The following AK9 variants were observed in gnomAD, a reference collection of about 807,000 sequenced individuals.
AK9 encodes adenylate kinase domain containing 1.
Under a neutral mutation model 239.6 loss-of-function variants are expected in AK9, and 191 were observed. The observed-to-expected ratio is 0.80, with a 90% CI of 0.71 to 0.90. The LOEUF (loss-of-function observed/expected upper bound fraction) is 0.90. Among genes scored for constraint, AK9 ranks in the 40% least tolerant of loss-of-function variants. AK9 has a pLI of 0.00. For missense variants in AK9, 1,995 were observed against 2,214.7 expected, an observed-to-expected ratio of 0.90 and a Z score of 1.99; for synonymous variants, 689 against 721.0, an observed-to-expected ratio of 0.96 and a Z score of 0.71.
chr6:109,525,065 G>A (rs1006597666), intron 29 of AK9, among the ~76,000 whole-genome samples: 1 of 152,048 alleles, frequency 6.6e-6, no homozygotes, highest in Non-Finnish European at 1.5e-5. Context: ...AGGGGTCCAG[G>A]TTCATTCTTC....
In AK9 at chr6:109,674,938, T is replaced by C. The variant is rs1042087888; in HGVS notation, c.118-677A>G. ...AATCAACCAGCTCAGTGGCTGTCAG[T>C]AGCTTTTATCTAGAGTTTCTTACTA... On this transcript the variant is annotated intron_variant, in intron 2 of 40. Coordinates refer to ENST00000424296, the MANE Select transcript of AK9 (RefSeq NM_001145128.3). Among the ~76,000 whole-genome samples, 58 of 152,212 alleles carry C rather than the reference T, an allele frequency of 3.8e-4. 1 individual carries two copies. Among genetic ancestry groups the C allele is most frequent in the African/African-American group, 1.3e-3 (55 of 41,466 alleles).
chr6:109,569,912 C>G (rs187694447), intron 21 of AK9, among the ~76,000 whole-genome samples: 3 of 152,174 alleles, frequency 2.0e-5, no homozygotes, highest in Non-Finnish European at 4.4e-5. Context: ...CCATTTGACC[C>G]AGCCATCCCA....
intron 17 of AK9, among the ~76,000 whole-genome samples, chr6:109,598,690 A>G (rs1333229694): frequency 2.0e-5 from 3 of 152,208 alleles, no homozygotes; most frequent in African/African-American, 4.8e-5. Flanking sequence ...AGTCCCACCA[A>G]CAGTGTAAAA....
At chr6:109,602,477 C>T (rs572529628) in intron 17 of AK9, among the ~76,000 whole-genome samples, 202 of 152,254 alleles carry the variant, frequency 1.3e-3, no homozygotes, top group Middle Eastern at 3.4e-3. Context: ...TTGTGGGTAA[C>T]CCGACCTTTC....
intron 38 of AK9, among the ~76,000 whole-genome samples, chr6:109,496,946 A>G (rs1466344147): frequency 2.0e-5 from 3 of 152,044 alleles, no homozygotes; most frequent in Non-Finnish European, 4.4e-5. Flanking sequence ...TGAGTCCATG[A>G]AACCGCAAAC....
At chr6:109,604,107 G>A (rs1487864896) in intron 17 of AK9, among the ~76,000 whole-genome samples, 1 of 151,974 alleles carries the variant, frequency 6.6e-6, no homozygotes, top group African/African-American at 2.4e-5. Flanking sequence ...AAGCCCCAGT[G>A]AGATGAACCC....
chr6:109,659,286 G>A lies in AK9; in HGVS notation c.572C>T (p.Ala191Val), dbSNP rs141795794. 6.2e-7 allele frequency: 1 copy of A among 1,601,764 alleles called. No homozygotes were observed. The highest frequency in any genetic ancestry group is 1.4e-5 in the African/African-American group (1 of 73,864). The change falls in exon 7 of 41, where the codon GCC (alanine) becomes GTC (valine). Residue 191 changes from alanine to valine, a missense_variant. Physicochemically the swap from Ala to Val is moderately conservative, Grantham distance 64. Transcript: ENST00000424296. The part of the protein sequence containing the change: ...IENHRKKKKE[A>V]QKDGKGEEEE... ...CTCTTCTCCTTTTCCGTCCTTTTGG[G>A]CTTCTTTCTTCTTTTTCCTATGATT...
At chr6:109,622,167 T>A (rs1446543173) in intron 12 of AK9, among the ~76,000 whole-genome samples, 2 of 146,162 alleles carry the variant, frequency 1.4e-5, no homozygotes, top group Admixed American at 6.9e-5. Context: ...TATACATTTT[T>A]ATATATTTTA....
rs1490425336 is a variant in AK9 at position 109,509,240 on chromosome 6, C to T, written c.4420G>A (p.Asp1474Asn). The T allele has an allele frequency of 4.5e-6, 7 of 1,552,116 alleles. No individual in the cohort carries two copies. Among genetic ancestry groups the T allele is most frequent in the Non-Finnish European group, 5.2e-6 (6 of 1,147,078 alleles). ...TCTAAGGCTTGAATAGCCAGTTCATCAGGTGCTGTCATTCCTTTATGAAGA... is the reference window on the plus strand; with the variant it reads ...TCTAAGGCTTGAATAGCCAGTTCATTAGGTGCTGTCATTCCTTTATGAAGA... ...WHLHKGMTAP[D>N]ELAIQALELS... Residue 1474 changes from aspartate to asparagine, a missense_variant, in exon 33 of 41, where the codon GAT (aspartate) becomes AAT (asparagine). By Grantham distance (23) the Asp-to-Asn change is conservative. Transcript: ENST00000424296.
intron 12 of AK9, among the ~76,000 whole-genome samples, chr6:109,622,705 TA>T (rs1330389506): frequency 6.7e-6 from 1 of 149,666 alleles, no homozygotes; most frequent in African/African-American, 2.4e-5. Flanking sequence ...AAAATGTAGA[TA>T]ATATATAACA....
intron 24 of AK9, 42 bp downstream of exon 24, chr6:109,563,554 AT>A (rs777689478): frequency 1.3e-6 from 2 of 1,541,856 alleles, no homozygotes. Context: ...CATATTTTCA[AT>A]GACTTCACAA....
At position 109,542,090 on chromosome 6, in the gene AK9, G is replaced by T. The variant is rs144036651; in HGVS notation, c.3307C>A (p.Leu1103Ile). The T allele has an allele frequency of 1.0e-4, 164 of 1,607,890 alleles. No homozygotes were observed. In the African/African-American group the frequency reaches 2.0e-3, roughly 20 times the overall value. The change falls in exon 27 of 41, where the codon CTT becomes ATT. Residue 1103 changes from leucine to isoleucine, a missense_variant. Around this residue, in one of 5 missense-constraint regions of AK9, gnomAD observed 1,290 missense variants for 1,392.7 expected, o/e 0.93. Coordinates refer to ENST00000424296, the MANE Select transcript of AK9 (RefSeq NM_001145128.3). ...MENEPLPPEI[L>I]EVILSEWWLK... ...CACCACTCAGAAAGAATTACTTCAAGAATTTCAGGAGGCAAGGGCTCATTT... is the reference window on the plus strand; with the variant it reads ...CACCACTCAGAAAGAATTACTTCAATAATTTCAGGAGGCAAGGGCTCATTT...
At position 109,621,000 on chromosome 6, in the gene AK9, T is replaced by TA. The variant is rs920780957; in HGVS notation, c.1255-1765dup. 2.8e-4 allele frequency among the ~76,000 whole-genome samples: 43 copies of TA among 151,804 alleles called. 1 individual carries two copies. The highest frequency in any genetic ancestry group is 2.8e-3 in the Admixed American group (43 of 15,182). On this transcript the variant is annotated intron_variant, in intron 12 of 40. Transcript: ENST00000424296. ...TCAATTCTGTTTTATGGATTTTTCTTAAAAAACTGTCAAAGATCTACAATG... is the reference window on the plus strand; with the variant it reads ...TCAATTCTGTTTTATGGATTTTTCTTAAAAAAACTGTCAAAGATCTACAATG...
chr6:109,667,634 T>C (rs1474753243), intron 5 of AK9, among the ~76,000 whole-genome samples: 1 of 151,308 alleles, frequency 6.6e-6, no homozygotes, highest in Non-Finnish European at 1.5e-5. Flanking sequence ...TTCCCACCTA[T>C]GAGTGAGAAC....
rs1793439402 is a variant in AK9, at chr6:109,610,438, T to C, written c.1769A>G (p.Lys590Arg). ...TTCAAAGTTTATATCCTGTGACATT[T>C]TTATAGTCTCTTCAATCATGGTCAC... ...EVVTMIEETI[K>R]MSQDINFEQP... Residue 590 changes from lysine (K) to arginine (R), a missense_variant, in exon 17 of 41, where the codon AAA becomes AGA. Physicochemically the swap from Lys to Arg is conservative, Grantham distance 26 (BLOSUM62 2). This residue lies in a region of AK9 where 1,290 missense variants were observed against 1,392.7 expected (regional missense o/e 0.93). Transcript: ENST00000424296. The C allele has an allele frequency of 3.2e-6, 5 of 1,551,418 alleles. No homozygotes were observed. The highest frequency in any genetic ancestry group is 4.4e-6 in the Non-Finnish European group (5 of 1,146,860).
intron 7 of AK9, among the ~76,000 whole-genome samples, chr6:109,657,731 G>A (rs1168573022): frequency 6.6e-6 from 1 of 151,910 alleles, no homozygotes; most frequent in African/African-American, 2.4e-5. Context: ...TCTGGTGTGT[G>A]ATGTTCCCCT....
rs1046065542 is a variant in AK9, at chr6:109,564,180, T to C, written c.2535A>G (p.Leu845=). 5 of 1,551,370 alleles carry C rather than the reference T, an allele frequency of 3.2e-6. No homozygotes were observed. Among genetic ancestry groups the C allele is most frequent in the African/African-American group, 1.4e-5 (1 of 73,046 alleles). Reference sequence around the variant, plus strand: ...TGTAAGCCTCACTAATTGTTGCTTCTAGCTGTTTCCAGAGGATGATGAAAG... The same window carrying C: ...TGTAAGCCTCACTAATTGTTGCTTCCAGCTGTTTCCAGAGGATGATGAAAG... ...IGSFIILWKQ[L]EATISEAYIK... Residue 845 remains leucine (L), a synonymous_variant, in exon 23 of 41, where the codon CTA becomes CTG. Transcript: ENST00000424296.
intron 24 of AK9, among the ~76,000 whole-genome samples, chr6:109,554,685 C>T (rs757705711): frequency 1.3e-5 from 2 of 151,936 alleles, no homozygotes; most frequent in Non-Finnish European, 2.9e-5. Context: ...ACGTGCACCA[C>T]CATGCCCAGA....
chr6:109,521,713 C>T (rs1317173072), intron 29 of AK9, among the ~76,000 whole-genome samples: 2 of 152,028 alleles, frequency 1.3e-5, no homozygotes, highest in African/African-American at 2.4e-5. Context: ...GTTAGTAATA[C>T]AAGGAATGCA....
Sources: allele counts gnomAD v4.1 joint callset (sites outside exome capture counted in the v4.1 genomes callset), GRCh38; gene constraint gnomAD v4.1.1; regional missense constraint gnomAD v4.1.1; transcripts MANE v1.5; gene names NCBI Gene and HGNC (gene_info 2026-07-23, HGNC 2026-07-21).